SPATA45: variants seen among roughly 807,000 people sequenced by gnomAD.
The protein encoded by SPATA45 is spermatogenesis associated 45, also known as spermatogenesis-associated protein 45.
SPATA45 carries 5 observed loss-of-function variants against 7.0 expected under a neutral mutation model. The observed-to-expected ratio is 0.71, with a 90% CI of 0.37 to 1.50. The LOEUF is 1.50. Among genes scored for constraint, SPATA45 ranks in the 40% most tolerant of loss-of-function variants. The pLI is 0.03. For synonymous variants in SPATA45, 40 were observed against 38.7 expected, an observed-to-expected ratio of 1.03 and a Z score of -0.13; for missense variants, 111 against 114.9, an observed-to-expected ratio of 0.97 and a Z score of 0.16.
intron 2 of SPATA45, among the ~76,000 whole-genome samples, chr1:212,835,285 A>G (rs1663566840): frequency 6.6e-6 from 1 of 151,696 alleles, no homozygotes. Flanking sequence ...GCACTTTGAG[A>G]GGCCAAGGTG....
intron 1 of SPATA45, among the ~76,000 whole-genome samples, chr1:212,845,157 C>A (rs896291448): frequency 6.6e-6 from 1 of 152,214 alleles, no homozygotes; most frequent in Non-Finnish European, 1.5e-5. Context: ...AAGCTACTAG[C>A]CCGTCTCTTA....
At chr1:212,842,685 T>C (rs570518391) in intron 1 of SPATA45, among the ~76,000 whole-genome samples, 59 of 152,150 alleles carry the variant, frequency 3.9e-4, no homozygotes, top group Non-Finnish European at 6.0e-4. Flanking sequence ...ATGAAAATAA[T>C]ATCCAGGCCA....
intron 1 of SPATA45, among the ~76,000 whole-genome samples, chr1:212,844,818 A>T (rs1663760349): frequency 6.6e-6 from 1 of 152,168 alleles, no homozygotes; most frequent in South Asian, 2.1e-4. Context: ...TTCTTTAATA[A>T]AAACTCTTCT....
chr1:212,845,039 C>CT (rs1028309581), intron 1 of SPATA45, among the ~76,000 whole-genome samples: 11 of 152,346 alleles, frequency 7.2e-5, no homozygotes, highest in Admixed American at 6.5e-4. Flanking sequence ...CTATCAATCT[C>CT]TTCCCACACA....
At chr1:212,833,503 CAAAA>C (rs35760900) in intron 2 of SPATA45, among the ~76,000 whole-genome samples, 1 of 108,774 alleles carries the variant, frequency 9.2e-6, no homozygotes. Flanking sequence ...TACTAAAATA[CAAAA>C]AAAAAAAAAA....
chr1:212,842,986 A>G (rs1335216663), intron 1 of SPATA45, among the ~76,000 whole-genome samples: 1 of 151,752 alleles, frequency 6.6e-6, no homozygotes, highest in Non-Finnish European at 1.5e-5. Context: ...AGTCCCAGCT[A>G]CTTGTGAGGG....
intron 1 of SPATA45, among the ~76,000 whole-genome samples, chr1:212,844,317 T>C (rs1033540602): frequency 1.2e-4 from 18 of 152,186 alleles, no homozygotes; most frequent in African/African-American, 4.3e-4. Context: ...ACTTGACGCA[T>C]ATACTTTCTG....
intron 1 of SPATA45, among the ~76,000 whole-genome samples, chr1:212,840,835 G>C (rs944048735): frequency 2.0e-5 from 3 of 151,894 alleles, no homozygotes; most frequent in African/African-American, 7.3e-5. Context: ...AGCCAGGATG[G>C]ACTCGATCTC....
chr1:212,846,839 C>G (rs1663806881), intron 1 of SPATA45, among the ~76,000 whole-genome samples: 1 of 152,158 alleles, frequency 6.6e-6, no homozygotes, highest in South Asian at 2.1e-4. Context: ...CAAAATAGCT[C>G]AGTTGGGAGA....
Position 212,835,857 on chromosome 1 carries a change from TATG to T in SPATA45, c.277+13_277+15del, listed in dbSNP as rs1379132596. On this transcript the variant is annotated intron_variant, in intron 2 of 2. Transcript: ENST00000332912. ...ATCTCAAAAAAAAAAAAAAAAATCC[TATG>T]ATAACTTCTTACTTTTTGGTGGAAA... 6.4e-7 allele frequency: 1 copy of T among 1,555,626 alleles called. No homozygotes were observed. Among genetic ancestry groups the T allele is most frequent in the East Asian group, 2.3e-5 (1 of 44,310 alleles).
chr1:212,836,230 C>T, intron 1 of SPATA45, 43 bp from the exon 2 acceptor site: 2 of 1,388,508 alleles, frequency 1.4e-6, no homozygotes, highest in Non-Finnish European at 2.0e-6. Flanking sequence ...CTTTTTGACT[C>T]AGAAGCCAGT....
At chr1:212,832,885 A>T (rs1286899875) in intron 2 of SPATA45, among the ~76,000 whole-genome samples, 1 of 151,490 alleles carries the variant, frequency 6.6e-6, no homozygotes, top group Non-Finnish European at 1.5e-5. Context: ...ACATTTATTC[A>T]ATCAGCCAGG....
chr1:212,831,904 A>T lies in SPATA45; in HGVS notation c.278-1643T>A, dbSNP rs562957670. Among the ~76,000 whole-genome samples the T allele has an allele frequency of 4.7e-5, 7 of 150,476 alleles. 1 individual carries two copies. The highest frequency in any genetic ancestry group is 1.0e-4 in the Non-Finnish European group (7 of 67,464). Reference sequence around the variant, plus strand: ...CCTGGATAGTAATCCCCATATAGTTATATGGGCAGCAATACACCCTCCATC... The same window carrying T: ...CCTGGATAGTAATCCCCATATAGTTTTATGGGCAGCAATACACCCTCCATC... On this transcript the variant is annotated intron_variant, in intron 2 of 2. Coordinates refer to ENST00000332912, the MANE Select transcript of SPATA45 (RefSeq NM_001024601.3).
At chr1:212,836,508 A>T (rs908953362) in intron 1 of SPATA45, among the ~76,000 whole-genome samples, 2 of 151,066 alleles carry the variant, frequency 1.3e-5, no homozygotes, top group African/African-American at 4.9e-5. Context: ...TTTTTCTATT[A>T]TCAGTAGAGA....
At chr1:212,840,418 ACACAC>A (rs1663659668) in intron 1 of SPATA45, among the ~76,000 whole-genome samples, 4 of 152,194 alleles carry the variant, frequency 2.6e-5, no homozygotes, top group Non-Finnish European at 4.4e-5. Context: ...TCAAAAACAA[ACACAC>A]AAAATTAATT....
Position 212,836,320 on chromosome 1 carries a change from C to T in SPATA45, c.-38-133G>A, listed in dbSNP as rs374555030. 1.9e-4 allele frequency: 125 copies of T among 666,300 alleles called. 3 individuals carry two copies. Among genetic ancestry groups the T allele is most frequent in the East Asian group, 1.3e-3 (48 of 35,612 alleles). The allele number at this position is 666,300 out of a possible 1,614,324, so 41.3% of individuals were successfully genotyped here. Reference sequence around the variant, plus strand: ...AACCACCACCAAGCCTCCCACCCCACGCTTCACTTTTTTATTTACTTATTT... The same window carrying T: ...AACCACCACCAAGCCTCCCACCCCATGCTTCACTTTTTTATTTACTTATTT... On this transcript the variant is annotated intron_variant, in intron 1 of 2. Coordinates refer to ENST00000332912, the MANE Select transcript of SPATA45 (RefSeq NM_001024601.3).
chr1:212,836,382 A>C (rs1003150324), intron 1 of SPATA45, among the ~76,000 whole-genome samples, 195 bp from the exon 2 acceptor site: 3 of 151,536 alleles, frequency 2.0e-5, no homozygotes, highest in Non-Finnish European at 4.4e-5. Context: ...CCAGGTTGAC[A>C]CACAGTGGCA....
chr1:212,830,272 A>G lies in SPATA45; in HGVS notation c.278-11T>C. 17 of 1,466,158 alleles carry G rather than the reference A, an allele frequency of 1.2e-5. No individual in the cohort carries two copies. The highest frequency in any genetic ancestry group is 1.5e-5 in the Non-Finnish European group (16 of 1,061,248). 90.8% of individuals were successfully genotyped at this position (1,466,158 alleles called of 1,614,324 possible). A position where few individuals can be genotyped will look rare whatever the true frequency, so the allele number is the denominator to read the frequency against. ...CAAATATGGCATTATCTGAAAAAAT[A>G]AAAAATAAAAAGTATTTGTTATATA... On this transcript the variant is annotated splice_polypyrimidine_tract_variant and intron_variant, in intron 2 of 2. Transcript: ENST00000332912.
intron 1 of SPATA45, among the ~76,000 whole-genome samples, chr1:212,845,207 A>G (rs1663770468): frequency 6.6e-6 from 1 of 152,148 alleles, no homozygotes; most frequent in Admixed American, 6.5e-5. Flanking sequence ...ATCTATCCTC[A>G]AGAAAATCAC....
Sources: gnomAD v4.1 joint callset for allele counts (sites outside exome capture counted in the v4.1 genomes callset) on GRCh38, gnomAD v4.1.1 for gene constraint, MANE v1.5 for transcripts, NCBI Gene and HGNC (gene_info 2026-07-23, HGNC 2026-07-21) for gene names.